RPTOR: variants seen among roughly 807,000 people sequenced by gnomAD.
The protein encoded by RPTOR is regulatory associated protein of MTOR complex 1, also known as regulatory-associated protein of mTOR.
A neutral mutation model predicts 169.9 loss-of-function variants in RPTOR; 21 were observed. The observed-to-expected ratio is 0.12, with a 90% CI of 0.09 to 0.18. The LOEUF (loss-of-function observed/expected upper bound fraction) is 0.18, where lower values mean the gene tolerates loss of function less well. Among genes scored for constraint, RPTOR ranks in the 10% least tolerant of loss-of-function variants. RPTOR has a pLI of 1.00. For synonymous variants in RPTOR, 732 were observed against 753.2 expected, an observed-to-expected ratio of 0.97 and a Z score of 0.46; for missense variants, 1,133 against 1,855.9, an observed-to-expected ratio of 0.61 and a Z score of 7.16.
rs563624650 is a variant in RPTOR at position 80,820,699 on chromosome 17, G to C, written c.891-1502G>C. Among the ~76,000 whole-genome samples, 4 of 152,184 alleles carry C rather than the reference G, an allele frequency of 2.6e-5. No individual in the cohort carries two copies. The highest frequency in any genetic ancestry group is 2.6e-4 in the Admixed American group (4 of 15,286). On this transcript the variant is annotated intron_variant, in intron 7 of 33. Transcript: ENST00000306801. This position sits in a 1 kb window ranked among gnomAD's most constrained non-coding sequence, Gnocchi z 4.1. ...ACAGTGGACATGCTTGTTCTGAAGC[G>C]AGAGCAGACTGGGGAGAAGGAGGAG...
chr17:80,693,233 G>A (rs1201774951), intron 3 of RPTOR, among the ~76,000 whole-genome samples: 1 of 152,222 alleles, frequency 6.6e-6, no homozygotes, highest in Non-Finnish European at 1.5e-5. Flanking sequence ...ATGTGTAGCA[G>A]GTCCCCAGGC....
chr17:80,700,561 A>G (rs1176260435), intron 3 of RPTOR, among the ~76,000 whole-genome samples: 96 of 84,544 alleles, frequency 1.1e-3, no homozygotes, highest in Middle Eastern at 9.8e-3. Flanking sequence ...TGGTGATGGT[A>G]GAGATGATGG....
At chr17:80,919,032 C>T (rs950290569) in intron 21 of RPTOR, among the ~76,000 whole-genome samples, 1 of 152,218 alleles carries the variant, frequency 6.6e-6, no homozygotes, top group Non-Finnish European at 1.5e-5. Flanking sequence ...TGAGACACCT[C>T]GGCCTCCACT....
rs1314949306 is a variant in RPTOR at position 80,875,538 on chromosome 17, A to AT, written c.1510-4876dup. On this transcript the variant is annotated intron_variant, in intron 13 of 33. Transcript: ENST00000306801. The stretch of plus-strand genomic sequence containing the variant: ...ACCTGCTTTCTACTCTGGCCTTCAC[A>AT]TGTCACCACCATAGCTTGATCTGGG... Among the ~76,000 whole-genome samples the AT allele has an allele frequency of 2.0e-5, 3 of 152,216 alleles. No individual in the cohort carries two copies. In the East Asian group the frequency reaches 5.8e-4, roughly 29 times the overall value.
intron 3 of RPTOR, among the ~76,000 whole-genome samples, chr17:80,682,107 TCC>T: frequency 1.6e-5 from 1 of 63,046 alleles, no homozygotes; most frequent in Admixed American, 1.8e-4. Context: ...TGTGATTAGG[TCC>T]CCCCCCCCAC....
chr17:80,870,370 G>A (rs1053578221), intron 13 of RPTOR, among the ~76,000 whole-genome samples: 5 of 152,212 alleles, frequency 3.3e-5, no homozygotes, highest in African/African-American at 1.2e-4. Context: ...TGTTTCTGCA[G>A]CCCCCACGTC....
intron 3 of RPTOR, among the ~76,000 whole-genome samples, chr17:80,675,833 C>T (rs777596204): frequency 7.2e-5 from 11 of 152,178 alleles, no homozygotes; most frequent in Non-Finnish European, 1.6e-4. Flanking sequence ...GTGAGAGGAA[C>T]CTGGAGCCTG....
intron 4 of RPTOR, among the ~76,000 whole-genome samples, chr17:80,711,742 G>GTTTTTTT (rs1298623680): frequency 1.4e-4 from 7 of 51,398 alleles, no homozygotes; most frequent in African/African-American, 1.9e-4. Context: ...TTATACATCA[G>GTTTTTTT]TCTTTTTTTT....
At chr17:80,602,872 C>G in intron 1 of RPTOR, 1 of 495,296 alleles carries the variant, frequency 2.0e-6, no homozygotes, top group Non-Finnish European at 3.7e-6. Context: ...GTCACCACCT[C>G]GCTGATTGCA....
At chr17:80,810,451 A>T (rs2067262198) in intron 7 of RPTOR, among the ~76,000 whole-genome samples, 1 of 152,184 alleles carries the variant, frequency 6.6e-6, no homozygotes, top group Non-Finnish European at 1.5e-5. Flanking sequence ...AAATCATTTG[A>T]CTATAACTGT....
chr17:80,616,298 CTTTTT>C (rs201229448), intron 1 of RPTOR, among the ~76,000 whole-genome samples: 4 of 113,266 alleles, frequency 3.5e-5, no homozygotes, highest in African/African-American at 7.6e-5. Context: ...AATTGAAAAT[CTTTTT>C]TTTTTTTTTT....
chr17:80,588,295 T>C (rs2143398674), intron 1 of RPTOR, among the ~76,000 whole-genome samples: 1 of 152,224 alleles, frequency 6.6e-6, no homozygotes, highest in South Asian at 2.1e-4. Flanking sequence ...CCTGAGTAGC[T>C]GGGATTACAG....
chr17:80,605,538 A>G (rs1217871263), intron 1 of RPTOR, among the ~76,000 whole-genome samples: 5 of 152,128 alleles, frequency 3.3e-5, no homozygotes, highest in Non-Finnish European at 5.9e-5. Flanking sequence ...GAGGAAGTGC[A>G]TAGTCTTAAG....
intron 33 of RPTOR, 67 bp from the exon 34 acceptor site, chr17:80,964,195 G>GGCC: frequency 2.7e-5 from 30 of 1,105,586 alleles, no homozygotes; most frequent in Non-Finnish European, 3.5e-5. Flanking sequence ...GTTGGCCTGC[G>GGCC]CCCCCCCGCC....
intron 3 of RPTOR, among the ~76,000 whole-genome samples, chr17:80,701,761 C>T (rs1242204900): frequency 2.0e-5 from 3 of 152,210 alleles, no homozygotes; most frequent in South Asian, 2.1e-4. Context: ...CAGCCTAGTA[C>T]GACGCCAGTG....
intron 13 of RPTOR, among the ~76,000 whole-genome samples, chr17:80,869,123 T>C (rs971750885): frequency 2.0e-5 from 3 of 152,244 alleles, no homozygotes; most frequent in African/African-American, 7.2e-5. Context: ...TGGGACAGTC[T>C]ACAAAGAACT....
chr17:80,790,581 C>G (rs769273606), intron 6 of RPTOR, among the ~76,000 whole-genome samples: 176 of 152,304 alleles, frequency 1.2e-3, no homozygotes, highest in Non-Finnish European at 2.0e-3. Context: ...CACGTCTCCC[C>G]CGAACGTGCC....
At chr17:80,743,511 G>A in intron 5 of RPTOR, 1 of 947,776 alleles carries the variant, frequency 1.1e-6, no homozygotes, top group Non-Finnish European at 1.3e-6. Flanking sequence ...TCGGAGTGCT[G>A]GGCATTGCCA....
intron 3 of RPTOR, among the ~76,000 whole-genome samples, chr17:80,667,778 T>G (rs906172683): frequency 1.3e-5 from 2 of 152,158 alleles, no homozygotes; most frequent in African/African-American, 4.8e-5. Flanking sequence ...CCTGCAGAGG[T>G]GATTGGAAAG....
Sources: allele counts gnomAD v4.1 joint callset (sites outside exome capture counted in the v4.1 genomes callset), GRCh38; gene constraint gnomAD v4.1.1; non-coding constraint Gnocchi (gnomAD v3.1); transcripts MANE v1.5; gene names NCBI Gene and HGNC (gene_info 2026-07-23, HGNC 2026-07-21).